Variants in GFPT2 observed in about 807,000 individuals in gnomAD.
GFPT2 encodes the protein glutamine--fructose-6-phosphate aminotransferase [isomerizing] 2.
In GFPT2, 62 loss-of-function variants were observed where a neutral mutation model predicts 85.6. The ratio of observed to expected loss-of-function variants is 0.72; its 90% CI spans 0.59 to 0.90. The LOEUF is 0.90. Ranked by LOEUF, GFPT2 falls within the 40% of genes least tolerant of loss-of-function variation. The probability of loss-of-function intolerance (pLI) is 0.00; values close to 1 mark genes in which losing one functional copy is unlikely to be tolerated. For synonymous variants in GFPT2, 368 were observed against 344.5 expected (o/e 1.07, Z -0.75); for missense variants, 788 against 893.4 (o/e 0.88, Z 1.50).
chr5:180,352,429 G>A (rs968536398), intron 1 of GFPT2: 1 of 455,030 alleles, frequency 2.2e-6, no homozygotes, highest in African/African-American at 2.0e-5. Context: ...GGCCCAGCCA[G>A]GAGAGTAAAG....
chr5:180,301,708 G>T, intron 18 of GFPT2, 100 bp from the exon 19 acceptor site: 1 of 945,980 alleles, frequency 1.1e-6, no homozygotes, highest in Non-Finnish European at 1.7e-6. Context: ...AGAGACAGAT[G>T]TTCACCATGG....
chr5:180,304,004 C>T (rs1452933060), intron 17 of GFPT2, among the ~76,000 whole-genome samples: 2 of 152,118 alleles, frequency 1.3e-5, no homozygotes, highest in African/African-American at 4.8e-5. Flanking sequence ...GTGGGGCTGG[C>T]GACTGAGTTT....
Position 180,318,843 on chromosome 5 carries a change from G to A in GFPT2, c.908C>T (p.Pro303Leu). ...HRVKRSASDD[P>L]SRAIQTLQME... ...CTGCAAGGTCTGGATGGCTCGAGAT[G>A]GGTCATCACTGGCCGAGCGCTTGAC... Residue 303 changes from proline (P) to leucine (L), a missense_variant, in exon 10 of 19, where the codon CCA becomes CTA. By Grantham distance (98) the Pro-to-Leu change is moderately conservative. Transcript: ENST00000253778. This position sits in a 1 kb window ranked among gnomAD's most constrained non-coding sequence, Gnocchi z 4.2. The A allele has an allele frequency of 6.2e-7, 1 of 1,614,054 alleles. No individual in the cohort carries two copies. The highest frequency in any genetic ancestry group is 8.5e-7 in the Non-Finnish European group (1 of 1,179,990).
At chr5:180,337,439 C>T (rs541809254) in intron 2 of GFPT2, among the ~76,000 whole-genome samples, 4 of 135,336 alleles carry the variant, frequency 3.0e-5, no homozygotes, top group Non-Finnish European at 4.6e-5. Flanking sequence ...GGTGACAGAG[C>T]GAGACTCCAT....
At chr5:180,309,460 G>A (rs1763837001) in intron 15 of GFPT2, among the ~76,000 whole-genome samples, 1 of 152,070 alleles carries the variant, frequency 6.6e-6, no homozygotes, top group Non-Finnish European at 1.5e-5. Flanking sequence ...TGCTCTTGTT[G>A]CCCAGACTGG....
chr5:180,313,029 G>A (rs899202238), intron 14 of GFPT2, among the ~76,000 whole-genome samples: 13 of 151,684 alleles, frequency 8.6e-5, no homozygotes, highest in Non-Finnish European at 1.8e-4. Context: ...CCCCTGCCTC[G>A]GCCTCCCAAA....
intron 16 of GFPT2, among the ~76,000 whole-genome samples, chr5:180,305,752 C>T (rs1763764489): frequency 6.6e-6 from 1 of 152,208 alleles, no homozygotes. Flanking sequence ...ACCCATGACG[C>T]AGAGTCATCT....
intron 14 of GFPT2, among the ~76,000 whole-genome samples, chr5:180,312,876 A>G (rs1763921420): frequency 6.6e-6 from 1 of 152,216 alleles, no homozygotes; most frequent in Admixed American, 6.5e-5. Context: ...TACCAGGTTC[A>G]AGCGATTCTC....
intron 1 of GFPT2, among the ~76,000 whole-genome samples, chr5:180,344,216 G>A (rs913354722): frequency 6.6e-6 from 1 of 152,202 alleles, no homozygotes; most frequent in African/African-American, 2.4e-5. Context: ...AGTAAATTAC[G>A]CAAGGGCTGG....
intron 15 of GFPT2, among the ~76,000 whole-genome samples, chr5:180,308,686 T>C (rs1259045883): frequency 2.0e-5 from 3 of 152,226 alleles, no homozygotes; most frequent in African/African-American, 7.2e-5. Context: ...AAACTTTTTC[T>C]ACTTTGTTAG....
intron 14 of GFPT2, among the ~76,000 whole-genome samples, chr5:180,312,978 T>C (rs1202380006): frequency 6.6e-6 from 1 of 151,924 alleles, no homozygotes; most frequent in Non-Finnish European, 1.5e-5. Context: ...GGTTTCACCG[T>C]GTTAGCCAGG....
chr5:180,336,571 G>A lies in GFPT2; in HGVS notation c.122C>T (p.Ala41Val), dbSNP rs754688285. The change falls in exon 3 of 19, where the codon GCG becomes GTG. Residue 41 changes from alanine to valine, a missense_variant. By Grantham distance (64) the Ala-to-Val change is moderately conservative. Transcript: ENST00000253778. ...GACTTCGTGATTATTCCCATCGATC[G>A]CCACACCTGTGATGTAGACAGCATT... ...EYRGYDSAGV[A>V]IDGNNHEVKE... 4.4e-6 allele frequency: 7 copies of A among 1,599,130 alleles called. No individual in the cohort carries two copies. Among genetic ancestry groups the A allele is most frequent in the South Asian group, 2.2e-5 (2 of 90,760 alleles).
At position 180,328,856 on chromosome 5, in the gene GFPT2, G is replaced by A. The variant is rs1048321673; in HGVS notation, c.535-518C>T. Among the ~76,000 whole-genome samples the A allele has an allele frequency of 4.6e-5, 7 of 152,202 alleles. No individual in the cohort carries two copies. Among genetic ancestry groups the A allele is most frequent in the African/African-American group, 1.4e-4 (6 of 41,458 alleles). ...AACAGCGCCACCTGGCGGGGCTTCC[G>A]TGACGATGATAAGCTAATGCACTGA... On this transcript the variant is annotated intron_variant, in intron 6 of 18. Coordinates refer to ENST00000253778, the MANE Select transcript of GFPT2 (RefSeq NM_005110.4). This position sits in a 1 kb window ranked among gnomAD's most constrained non-coding sequence, Gnocchi z 5.4.
chr5:180,339,584 C>T (rs1431646164), intron 1 of GFPT2, among the ~76,000 whole-genome samples: 1 of 152,184 alleles, frequency 6.6e-6, no homozygotes, highest in African/African-American at 2.4e-5. Flanking sequence ...CTTCCAGATT[C>T]CTCCACTCCT....
intron 9 of GFPT2, among the ~76,000 whole-genome samples, chr5:180,320,337 G>T (rs1764094997): frequency 6.6e-6 from 1 of 152,128 alleles, no homozygotes; most frequent in African/African-American, 2.4e-5. Context: ...AAAGAATAAT[G>T]ATTTTTTTCC....
At chr5:180,316,549 G>T in intron 12 of GFPT2, 88 bp from the exon 13 acceptor site, 1 of 1,446,786 alleles carries the variant, frequency 6.9e-7, no homozygotes, top group South Asian at 1.2e-5. Flanking sequence ...GACAGTTTGT[G>T]ACACGGAACC....
intron 1 of GFPT2, among the ~76,000 whole-genome samples, chr5:180,345,208 T>C (rs538933024): frequency 9.2e-5 from 14 of 152,400 alleles, no homozygotes; most frequent in South Asian, 2.1e-4. Context: ...TACCATTTAC[T>C]GTCATTTCAT....
intron 15 of GFPT2, among the ~76,000 whole-genome samples, chr5:180,311,396 T>C (rs1468272874): frequency 6.6e-6 from 1 of 152,070 alleles, no homozygotes; most frequent in Non-Finnish European, 1.5e-5. Context: ...ATATATGTGG[T>C]GGATGAATGA....
intron 4 of GFPT2, among the ~76,000 whole-genome samples, chr5:180,333,120 T>C (rs77652970): frequency 0.086 from 13,168 of 152,292 alleles, 634 homozygotes; most frequent in African/African-American, 0.13. Flanking sequence ...TACTGCTCTG[T>C]GCTCTGATCG....
Sources: gnomAD v4.1 joint callset for allele counts (sites outside exome capture counted in the v4.1 genomes callset) on GRCh38, gnomAD v4.1.1 for gene constraint, Gnocchi (gnomAD v3.1) non-coding constraint, MANE v1.5 for transcripts, NCBI Gene and HGNC (gene_info 2026-07-23, HGNC 2026-07-21) for gene names.